PLA2G4D: variants seen among roughly 807,000 people sequenced by gnomAD.
PLA2G4D encodes phospholipase A2 group IVD.
In PLA2G4D, 80 loss-of-function variants were observed where a neutral mutation model predicts 94.4. That is an observed-to-expected ratio of 0.85 (90% CI 0.71 to 1.02). The LOEUF (loss-of-function observed/expected upper bound fraction) is 1.02, where lower values mean the gene tolerates loss of function less well. Among genes scored for constraint, PLA2G4D ranks in the 50% least tolerant of loss-of-function variants. The pLI, the probability that PLA2G4D is intolerant of heterozygous loss-of-function variation, is 0.00. For missense variants in PLA2G4D, 1,050 were observed against 1,034.7 expected (o/e 1.01, Z -0.20); for synonymous variants, 438 against 440.9 (o/e 0.99, Z 0.08).
At chr15:42,073,946 C>A (rs1271483484) in intron 13 of PLA2G4D, among the ~76,000 whole-genome samples, 1 of 152,152 alleles carries the variant, frequency 6.6e-6, no homozygotes, top group Non-Finnish European at 1.5e-5. Context: ...CAATGGTCCC[C>A]AGTATGAATT....
chr15:42,091,417 A>C (rs879117362), intron 1 of PLA2G4D, among the ~76,000 whole-genome samples: 2 of 152,244 alleles, frequency 1.3e-5, no homozygotes, highest in South Asian at 4.1e-4. Flanking sequence ...AGAAGACAAG[A>C]GTGCGAGCCT....
chr15:42,075,031 C>T lies in PLA2G4D; in HGVS notation c.1318-2639G>A, dbSNP rs547037578. ...CTCAACCTCCCATGTTCAAGCTATC[C>T]TCCCACATTAGCCTCCTCAGTAGCT... On this transcript the variant is annotated intron_variant, in intron 13 of 19. Coordinates refer to ENST00000290472, the MANE Select transcript of PLA2G4D (RefSeq NM_178034.4). Among the ~76,000 whole-genome samples, 17 of 152,292 alleles carry T rather than the reference C, an allele frequency of 1.1e-4. No homozygotes were observed. In the South Asian group the frequency reaches 3.5e-3, roughly 32 times the overall value.
rs773617884 is a variant in PLA2G4D at position 42,086,304 on chromosome 15, GT to G, written c.295del (p.Thr99ArgfsTer41). ...ELSIYDEDSV[T>X]EDDICFKVLY... The stretch of plus-strand genomic sequence containing the variant: ...AACCTTGAAGCAGATGTCATCCTCC[GT>G]GACTGAGTCCTCATCATAGATGCTA... On this transcript the variant is annotated frameshift_variant, in exon 4 of 20. Coordinates refer to ENST00000290472, the MANE Select transcript of PLA2G4D (RefSeq NM_178034.4). LOFTEE classifies it high-confidence loss of function. The G allele has an allele frequency of 2.5e-6, 4 of 1,600,468 alleles. No homozygotes were observed. The highest frequency in any genetic ancestry group is 1.7e-6 in the Non-Finnish European group (2 of 1,174,164).
intron 13 of PLA2G4D, among the ~76,000 whole-genome samples, chr15:42,077,713 G>A (rs1294176594): frequency 1.1e-4 from 17 of 152,254 alleles, no homozygotes. Context: ...TTCTGCCTAT[G>A]GGCCCCTTAG....
chr15:42,084,094 G>A lies in PLA2G4D; in HGVS notation c.472-315C>T. The A allele has an allele frequency of 2.9e-6, 1 of 344,030 alleles. No homozygotes were observed. Among genetic ancestry groups the A allele is most frequent in the Non-Finnish European group, 5.4e-6 (1 of 184,394 alleles). 21.3% of individuals were successfully genotyped at this position (344,030 alleles called of 1,614,324 possible). ...CTGTTTCTTCTCTTGTTTCCCTGTGGCTTGGAGCTGGAGGAGGTATTCTAC... is the reference window on the plus strand; with the variant it reads ...CTGTTTCTTCTCTTGTTTCCCTGTGACTTGGAGCTGGAGGAGGTATTCTAC... On this transcript the variant is annotated intron_variant, in intron 6 of 19. Transcript: ENST00000290472. The surrounding 1 kb of genome is among the most constrained non-coding windows in gnomAD (Gnocchi z 4.8).
intron 13 of PLA2G4D, among the ~76,000 whole-genome samples, chr15:42,074,684 T>C (rs932128253): frequency 9.2e-5 from 14 of 152,188 alleles, no homozygotes; most frequent in Admixed American, 5.2e-4. Context: ...TAAATGGAGT[T>C]ATATATTCTG....
chr15:42,075,941 AGAAGGAAGGAAGGAAG>A (rs374838263), intron 13 of PLA2G4D, among the ~76,000 whole-genome samples: 1 of 148,262 alleles, frequency 6.7e-6, no homozygotes. Flanking sequence ...GGGGAGAGGA[AGAAGGAAGGAAGGAAG>A]GAAGGAAGGA....
Position 42,072,392 on chromosome 15 carries a change from C to T in PLA2G4D, c.1318G>A (p.Val440Met). The T allele has an allele frequency of 1.2e-6, 2 of 1,612,202 alleles. No individual in the cohort carries two copies. Among genetic ancestry groups the T allele is most frequent in the South Asian group, 2.2e-5 (2 of 90,982 alleles). Residue 440 changes from valine (V) to methionine (M), a missense_variant and splice_region_variant, in exon 14 of 20, where the codon GTG becomes ATG. By Grantham distance (21) the Val-to-Met change is conservative. Transcript: ENST00000290472. ...LVLESMLHGQ[V>M]MDQKLSGQRA... ...TGTCCTGACAGCTTCTGATCCATCA[C>T]CTGGGGCCAGAGGGCATCAGGGCCT...
intron 14 of PLA2G4D, 23 bp downstream of exon 14, chr15:42,072,252 G>A: frequency 6.3e-7 from 1 of 1,586,042 alleles, no homozygotes; most frequent in Non-Finnish European, 8.7e-7. Context: ...GAGTATGTGG[G>A]AGGGGAGTAG....
At chr15:42,087,218 G>A in intron 3 of PLA2G4D, 82 bp downstream of exon 3, 1 of 1,572,196 alleles carries the variant, frequency 6.4e-7, no homozygotes, top group East Asian at 2.2e-5. Context: ...CAGCCCCAGA[G>A]GAAGCATGCT....
chr15:42,094,394 A>G, intron 1 of PLA2G4D, 21 bp downstream of exon 1: 1 of 1,613,706 alleles, frequency 6.2e-7, no homozygotes, highest in Non-Finnish European at 8.5e-7. Context: ...TGGTGCCCAC[A>G]TGCTCTGCAG....
At chr15:42,070,331 C>T in intron 18 of PLA2G4D, 1 of 524,798 alleles carries the variant, frequency 1.9e-6, no homozygotes, top group East Asian at 3.4e-5. Flanking sequence ...ATCCCCCAGC[C>T]CCCCAAAACC....
rs1352776868 is a variant in PLA2G4D at position 42,085,133 on chromosome 15, T to C, written c.434A>G (p.Asp145Gly). The C allele has an allele frequency of 6.2e-7, 1 of 1,614,190 alleles. No individual in the cohort carries two copies. The highest frequency in any genetic ancestry group is 1.1e-5 in the South Asian group (1 of 91,082). The change falls in exon 6 of 20, where the codon GAT becomes GGT. Residue 145 changes from aspartate (D) to glycine (G), a missense_variant. Coordinates refer to ENST00000290472, the MANE Select transcript of PLA2G4D (RefSeq NM_178034.4). ...GTTGGTGATGAGGTTTTCTGGGCGA[T>C]CTGACCTGGAAAAATCAAACCATGC... ...DVEFLMEETS[D>G]RPENLITNKV... is the part of the protein sequence containing the mutation.
Position 42,079,571 on chromosome 15 carries a change from C to A in PLA2G4D, c.1283G>T (p.Trp428Leu). Residue 428 changes from tryptophan to leucine, a missense_variant, in exon 13 of 20, where the codon TGG (tryptophan) becomes TTG (leucine). Trp to Leu is a moderately conservative substitution (Grantham distance 61). Coordinates refer to ENST00000290472, the MANE Select transcript of PLA2G4D (RefSeq NM_178034.4). The part of the protein sequence containing the change: ...QGHPTTFVDL[W>L]ALVLESMLHG... The stretch of plus-strand genomic sequence containing the variant: ...CAGCATGGACTCCAGCACTAGCGCC[C>A]ACAGGTCCACAAAGGTCGTGGGGTG... The A allele has an allele frequency of 6.2e-7, 1 of 1,607,974 alleles. No homozygotes were observed. Among genetic ancestry groups the A allele is most frequent in the Non-Finnish European group, 8.5e-7 (1 of 1,178,598 alleles).
At chr15:42,082,456 T>A (rs928644558) in intron 8 of PLA2G4D, 67 bp from the exon 9 acceptor site, 4 of 1,127,636 alleles carry the variant, frequency 3.5e-6, no homozygotes, top group Non-Finnish European at 5.4e-6. Context: ...GTATCTAGAC[T>A]ACAATCCAGA....
At chr15:42,091,203 G>C (rs749785641) in intron 1 of PLA2G4D, among the ~76,000 whole-genome samples, 4 of 152,180 alleles carry the variant, frequency 2.6e-5, no homozygotes, top group Non-Finnish European at 5.9e-5. Context: ...GATACAAGCT[G>C]TTCCAGTATA....
chr15:42,089,531 G>C (rs910177191), intron 1 of PLA2G4D, among the ~76,000 whole-genome samples: 1 of 152,172 alleles, frequency 6.6e-6, no homozygotes. Flanking sequence ...AGTGGCACCA[G>C]CAACATGTCA....
chr15:42,085,573 T>A (rs1193009892), intron 4 of PLA2G4D, 42 bp from the exon 5 acceptor site: 30 of 1,598,400 alleles, frequency 1.9e-5, no homozygotes, highest in Non-Finnish European at 2.6e-5. Context: ...CACATACCTG[T>A]GTCTTCAGAG....
chr15:42,073,448 G>T (rs1889864698), intron 13 of PLA2G4D, among the ~76,000 whole-genome samples: 1 of 152,176 alleles, frequency 6.6e-6, no homozygotes, highest in African/African-American at 2.4e-5. Flanking sequence ...GGCGAATGGT[G>T]GTGCCTGCCT....
Sources: allele counts gnomAD v4.1 joint callset (sites outside exome capture counted in the v4.1 genomes callset), GRCh38; gene constraint gnomAD v4.1.1; non-coding constraint Gnocchi (gnomAD v3.1); transcripts MANE v1.5; gene names NCBI Gene and HGNC (gene_info 2026-07-23, HGNC 2026-07-21).